The following PRKCZ variants were observed in gnomAD, a reference collection of about 807,000 sequenced individuals.
The protein encoded by PRKCZ is protein kinase C zeta type.
A neutral mutation model predicts 79.5 loss-of-function variants in PRKCZ; 33 were observed. The observed-to-expected ratio is 0.41, with a 90% CI of 0.31 to 0.55. PRKCZ has a LOEUF of 0.55. Ranked by LOEUF, PRKCZ falls within the 20% of genes least tolerant of loss-of-function variation. The pLI, the probability that PRKCZ is intolerant of heterozygous loss-of-function variation, is 0.19. For missense variants in PRKCZ, 578 were observed against 813.5 expected (o/e 0.71, Z 3.52); for synonymous variants, 342 against 320.9 (o/e 1.07, Z -0.70).
intron 6 of PRKCZ, chr1:2,144,653 C>T: frequency 8.7e-7 from 1 of 1,150,990 alleles, no homozygotes; most frequent in South Asian, 2.1e-5. Context: ...CTTGAACCAG[C>T]TCTTAAGGAC....
intron 4 of PRKCZ, among the ~76,000 whole-genome samples, chr1:2,078,840 G>A (rs1035308608): frequency 6.8e-6 from 1 of 146,196 alleles, no homozygotes; most frequent in Admixed American, 6.8e-5. Context: ...TTCTCTGAAG[G>A]TGGCTTTTTT....
chr1:2,063,391 C>T (rs1329677932), intron 4 of PRKCZ, among the ~76,000 whole-genome samples: 1 of 152,234 alleles, frequency 6.6e-6, no homozygotes, highest in Non-Finnish European at 1.5e-5. Context: ...CGGCTCACTG[C>T]AGCCTCCATC....
chr1:2,074,306 C>T (rs749834840), intron 4 of PRKCZ: 8 of 1,548,192 alleles, frequency 5.2e-6, no homozygotes, highest in Non-Finnish European at 7.0e-6. Flanking sequence ...GGATGTGTGG[C>T]GGTGGCTGTG....
Position 2,174,615 on chromosome 1 carries a change from T to C in PRKCZ, c.1406-139T>C, listed in dbSNP as rs1685095014. 2 of 777,048 alleles carry C rather than the reference T, an allele frequency of 2.6e-6. No individual in the cohort carries two copies. The highest frequency in any genetic ancestry group is 2.3e-5 in the Admixed American group (1 of 43,300). 48.1% of individuals were successfully genotyped at this position (777,048 alleles called of 1,614,324 possible). On this transcript the variant is annotated intron_variant, in intron 14 of 17. Transcript: ENST00000378567. The surrounding 1 kb of genome is among the most constrained non-coding windows in gnomAD (Gnocchi z 6.2). ...CCGGCGGGACTCCGGGTTATAGATA[T>C]TGCTGGGCTGTAGGAAGGGAGGGGC...
chr1:2,079,643 C>T lies in PRKCZ; in HGVS notation c.334+20052C>T, dbSNP rs72921240. On this transcript the variant is annotated intron_variant, in intron 4 of 17. Coordinates refer to ENST00000378567, the MANE Select transcript of PRKCZ (RefSeq NM_002744.6). The stretch of plus-strand genomic sequence containing the variant: ...AGTAACTAAGCCACAACGCTGGCCC[C>T]GCGGCTGCTGCTGATGGCGGCACAT... Among the ~76,000 whole-genome samples, 1,353 of 152,328 alleles carry T rather than the reference C, an allele frequency of 8.9e-3. 24 individuals are homozygous for T. Among genetic ancestry groups the T allele is most frequent in the African/African-American group, 0.029 (1,225 of 41,554 alleles).
In PRKCZ at chr1:2,094,776, G is replaced by A. The variant is rs987933115; in HGVS notation, c.334+35185G>A. ...GCTCGTTGAACCTTGGGCGCTGCCC[G>A]TTCTGAGGCGTCTGCTGTGGCCCTT... On this transcript the variant is annotated intron_variant, in intron 4 of 17. Coordinates refer to ENST00000378567, the MANE Select transcript of PRKCZ (RefSeq NM_002744.6). The surrounding 1 kb of genome is among the most constrained non-coding windows in gnomAD (Gnocchi z 7.3). 6.6e-5 allele frequency among the ~76,000 whole-genome samples: 10 copies of A among 152,192 alleles called. No homozygotes were observed. The highest frequency in any genetic ancestry group is 6.2e-4 in the South Asian group (3 of 4,830).
At chr1:2,078,315 C>A (rs1236569630) in intron 4 of PRKCZ, among the ~76,000 whole-genome samples, 8 of 152,224 alleles carry the variant, frequency 5.3e-5, no homozygotes, top group Non-Finnish European at 1.2e-4. Context: ...GCTTTTCCTC[C>A]AGCCACACAC....
At chr1:2,135,541 C>T (rs896286066) in intron 5 of PRKCZ, among the ~76,000 whole-genome samples, 194 bp downstream of exon 5, 2 of 152,252 alleles carry the variant, frequency 1.3e-5, no homozygotes, top group Non-Finnish European at 2.9e-5. Context: ...GAAGTGCCCT[C>T]CGGGCCTTTC....
At chr1:2,064,714 C>G (rs1660977493) in intron 4 of PRKCZ, among the ~76,000 whole-genome samples, 1 of 152,192 alleles carries the variant, frequency 6.6e-6, no homozygotes, top group African/African-American at 2.4e-5. Context: ...CCATTGGTCT[C>G]TGTGTCTCTC....
intron 5 of PRKCZ, chr1:2,143,015 A>G (rs943887457): frequency 7.9e-5 from 11 of 139,010 alleles, no homozygotes; most frequent in African/African-American, 3.0e-4. Context: ...AGTACACTGT[A>G]TTTCCTCTTC....
intron 1 of PRKCZ, among the ~76,000 whole-genome samples, chr1:2,054,748 G>A (rs372856553): frequency 6.6e-6 from 1 of 152,002 alleles, no homozygotes; most frequent in Non-Finnish European, 1.5e-5. Flanking sequence ...TAGTGAAGCC[G>A]GCGGCCTGCA....
intron 16 of PRKCZ, chr1:2,184,358 G>A (rs1275515041): frequency 6.2e-6 from 3 of 487,688 alleles, no homozygotes; most frequent in Non-Finnish European, 1.1e-5. Context: ...CATGTGGCCA[G>A]CATGGCCGAC....
chr1:2,115,289 C>T lies in PRKCZ; in HGVS notation c.335-19973C>T, dbSNP rs539551023. On this transcript the variant is annotated intron_variant, in intron 4 of 17. Coordinates refer to ENST00000378567, the MANE Select transcript of PRKCZ (RefSeq NM_002744.6). ...GTCTTATGTATCCACCCTCATCTTG[C>T]GAGGCACCGGGGTCCCGGCTTTTGG... Among the ~76,000 whole-genome samples, 7 of 152,356 alleles carry T rather than the reference C, an allele frequency of 4.6e-5. No individual in the cohort carries two copies. In the East Asian group the frequency reaches 9.7e-4, roughly 21 times the overall value.
At chr1:2,115,306 G>A (rs575526254) in intron 4 of PRKCZ, among the ~76,000 whole-genome samples, 10 of 152,364 alleles carry the variant, frequency 6.6e-5, no homozygotes, top group East Asian at 1.9e-4. Context: ...CCGGGGTCCC[G>A]GCTTTTGGCC....
At chr1:2,051,128 C>T (rs1659603957) in intron 1 of PRKCZ, 1 of 154,280 alleles carries the variant, frequency 6.5e-6, no homozygotes, top group Non-Finnish European at 1.4e-5. Flanking sequence ...TAGCCAAAAT[C>T]CGGAGACCCG....
intron 4 of PRKCZ, among the ~76,000 whole-genome samples, chr1:2,095,403 G>A (rs1267660904): frequency 1.3e-5 from 2 of 152,144 alleles, no homozygotes; most frequent in African/African-American, 2.4e-5. Flanking sequence ...CTGAGCATTG[G>A]TGGAGGAGGC....
Position 2,184,987 on chromosome 1 carries a change from T to C in PRKCZ, c.1757T>C (p.Leu586Pro). ...TTTGAGTATATCAACCCATTATTGC[T>C]GTCCACCGAGGAGTCGGTGTGAGGC... ...EGFEYINPLL[L>P]STEESV Residue 586 changes from leucine to proline, a missense_variant, in exon 18 of 18, where the codon CTG becomes CCG. Physicochemically the swap from Leu to Pro is moderately conservative, Grantham distance 98. Transcript: ENST00000378567. 2 of 1,613,678 alleles carry C rather than the reference T, an allele frequency of 1.2e-6. No individual in the cohort carries two copies. The highest frequency in any genetic ancestry group is 8.5e-7 in the Non-Finnish European group (1 of 1,179,862).
At chr1:2,077,954 G>T (rs948516907) in intron 4 of PRKCZ, among the ~76,000 whole-genome samples, 5 of 152,220 alleles carry the variant, frequency 3.3e-5, no homozygotes, top group African/African-American at 1.2e-4. Flanking sequence ...GCATTCCCTT[G>T]TTGGCACAAC....
At chr1:2,112,854 T>A (rs1670029262) in intron 4 of PRKCZ, among the ~76,000 whole-genome samples, 1 of 152,208 alleles carries the variant, frequency 6.6e-6, no homozygotes, top group African/African-American at 2.4e-5. Flanking sequence ...CATGTCTGGC[T>A]ATTTTTTTTC....
Sources: gnomAD v4.1 joint callset for allele counts (sites outside exome capture counted in the v4.1 genomes callset) on GRCh38, gnomAD v4.1.1 for gene constraint, Gnocchi (gnomAD v3.1) non-coding constraint, MANE v1.5 for transcripts, NCBI Gene and HGNC (gene_info 2026-07-23, HGNC 2026-07-21) for gene names.